The following NRK variants were observed in gnomAD, a reference collection of about 807,000 sequenced individuals.
NRK encodes nik-related protein kinase.
NRK carries 67 observed loss-of-function variants against 125.2 expected under a neutral mutation model. The observed-to-expected ratio is 0.54, with a 90% CI of 0.44 to 0.66. NRK has a LOEUF of 0.66. NRK is among the 30% of genes least tolerant of loss of function. The pLI is 0.00. For synonymous variants in NRK, 458 were observed against 429.0 expected (o/e 1.07, Z -0.84); for missense variants, 1,224 against 1,192.9 (o/e 1.03, Z -0.38).
At chrX:105,865,050 A>G (rs1190723999) in intron 2 of NRK, among the ~76,000 whole-genome samples, 1 of 111,093 alleles carries the variant, frequency 9.0e-6, no homozygotes, top group Non-Finnish European at 1.9e-5. Flanking sequence ...TTTTCCCTTC[A>G]CTATTGCCTT....
chrX:105,949,106 A>G (rs1346275321), intron 26 of NRK, among the ~76,000 whole-genome samples: 3 of 111,826 alleles, frequency 2.7e-5, no homozygotes, highest in Non-Finnish European at 5.6e-5. Flanking sequence ...TAAACATTTT[A>G]AGCTTAAGCT....
chrX:105,932,520 T>C (rs998759492), intron 19 of NRK, among the ~76,000 whole-genome samples: 19 of 112,780 alleles, frequency 1.7e-4, no homozygotes, highest in Non-Finnish European at 7.5e-5. Flanking sequence ...TCACAGATGC[T>C]ACATCAATAG....
At chrX:105,951,303 T>C (rs2040894865) in intron 27 of NRK, among the ~76,000 whole-genome samples, 1 of 111,246 alleles carries the variant, frequency 9.0e-6, no homozygotes, top group African/African-American at 3.3e-5. Flanking sequence ...TAGACAATCA[T>C]AAGGGTCAAA....
At chrX:105,835,608 C>T (rs1434905997) in intron 2 of NRK, among the ~76,000 whole-genome samples, 2 of 107,417 alleles carry the variant, frequency 1.9e-5, no homozygotes, top group African/African-American at 7.1e-5. Flanking sequence ...AATTCTTGCC[C>T]TTCTCCCAAA....
intron 17 of NRK, among the ~76,000 whole-genome samples, 192 bp from the exon 18 acceptor site, chrX:105,922,926 G>T (rs749201137): frequency 9.0e-6 from 1 of 110,947 alleles, no homozygotes; most frequent in South Asian, 3.8e-4. Flanking sequence ...ATCCAGAAAG[G>T]CCACTAATAA....
At chrX:105,912,465 T>G (rs1416619484) in intron 13 of NRK, among the ~76,000 whole-genome samples, 183 bp from the exon 14 acceptor site, 1 of 110,948 alleles carries the variant, frequency 9.0e-6, no homozygotes, top group African/African-American at 3.3e-5. Context: ...AACCAAACAC[T>G]ATTAGAAACT....
chrX:105,873,094 C>T (rs1023584590), intron 2 of NRK, among the ~76,000 whole-genome samples: 3 of 111,544 alleles, frequency 2.7e-5, no homozygotes, highest in African/African-American at 9.8e-5. Context: ...TTGAAAAGAA[C>T]GAAAGAATGC....
chrX:105,916,828 T>C (rs776268780), intron 15 of NRK, among the ~76,000 whole-genome samples: 1 of 111,891 alleles, frequency 8.9e-6, no homozygotes, highest in African/African-American at 3.2e-5. Flanking sequence ...TCAGAGTAAT[T>C]GTTCACTTTA....
chrX:105,878,085 A>G (rs2039837820), intron 2 of NRK, among the ~76,000 whole-genome samples: 2 of 111,350 alleles, frequency 1.8e-5, no homozygotes, highest in South Asian at 7.4e-4. Context: ...GTAACTTTTT[A>G]AAGGGATGCA....
chrX:105,924,733 G>A lies in NRK; in HGVS notation c.3014G>A (p.Gly1005Asp), dbSNP rs775174026. ...YGRDGSCKQD[G>D]YDGSRGKEEA... Reference sequence around the variant, plus strand: ...AGAGATGGAAGCTGCAAGCAAGATGGTTATGATGGAAGTCGTGGAAAAGAG... The same window carrying A: ...AGAGATGGAAGCTGCAAGCAAGATGATTATGATGGAAGTCGTGGAAAAGAG... Residue 1005 changes from glycine (G) to aspartate (D), a missense_variant, in exon 19 of 29, where the codon GGT becomes GAT. Gly to Asp is a moderately conservative substitution (Grantham distance 94). Coordinates refer to ENST00000243300, the MANE Select transcript of NRK (RefSeq NM_198465.4). 1 of 1,202,013 alleles carries A rather than the reference G, an allele frequency of 8.3e-7. No individual in the cohort carries two copies. Among genetic ancestry groups the A allele is most frequent in the South Asian group, 1.8e-5 (1 of 55,424 alleles).
chrX:105,939,355 C>T (rs935752577), intron 22 of NRK, among the ~76,000 whole-genome samples: 1 of 111,373 alleles, frequency 9.0e-6, no homozygotes, highest in African/African-American at 3.3e-5. Context: ...TTAATATTAA[C>T]GATAAATTTA....
At chrX:105,844,394 A>G (rs1271334516) in intron 2 of NRK, among the ~76,000 whole-genome samples, 4 of 111,788 alleles carry the variant, frequency 3.6e-5, no homozygotes, top group Non-Finnish European at 7.5e-5. Context: ...CAAAATATAC[A>G]GACAGAATTA....
intron 2 of NRK, among the ~76,000 whole-genome samples, chrX:105,857,469 C>T (rs1239318456): frequency 2.7e-5 from 3 of 111,836 alleles, no homozygotes; most frequent in East Asian, 2.8e-4. Flanking sequence ...ATCTAAGATG[C>T]GAAACTGAAT....
At chrX:105,921,001 A>C (rs2040435766) in intron 16 of NRK, among the ~76,000 whole-genome samples, 1 of 92,590 alleles carries the variant, frequency 1.1e-5, no homozygotes, top group South Asian at 5.8e-4. Context: ...AAAGGACTAT[A>C]AATCATGCTG....
intron 2 of NRK, among the ~76,000 whole-genome samples, chrX:105,852,008 A>T (rs2039478348): frequency 8.9e-6 from 1 of 112,200 alleles, no homozygotes; most frequent in African/African-American, 3.2e-5. Context: ...CACACACTGT[A>T]TATTCAAAGC....
At chrX:105,932,078 A>G (rs1381173916) in intron 19 of NRK, among the ~76,000 whole-genome samples, 1 of 111,545 alleles carries the variant, frequency 9.0e-6, no homozygotes, top group Non-Finnish European at 1.9e-5. Flanking sequence ...GTGGAATCAT[A>G]CAATATTTGT....
chrX:105,853,758 T>C (rs1329673434), intron 2 of NRK, among the ~76,000 whole-genome samples: 1 of 112,264 alleles, frequency 8.9e-6, no homozygotes, highest in Non-Finnish European at 1.9e-5. Flanking sequence ...GAAAATATAC[T>C]GTAAACTATG....
At chrX:105,916,389 A>G (rs1055867835) in intron 15 of NRK, among the ~76,000 whole-genome samples, 1 of 110,822 alleles carries the variant, frequency 9.0e-6, no homozygotes, top group Non-Finnish European at 1.9e-5. Context: ...ATATTTGAAA[A>G]CTAAATTTTA....
chrX:105,935,111 A>G (rs1352123215), intron 20 of NRK, 59 bp from the exon 21 acceptor site: 4 of 957,971 alleles, frequency 4.2e-6, no homozygotes, highest in Non-Finnish European at 5.8e-6. Context: ...AAATTCTGTA[A>G]CTCCATCATG....
Sources: allele counts gnomAD v4.1 joint callset (sites outside exome capture counted in the v4.1 genomes callset), GRCh38; gene constraint gnomAD v4.1.1; transcripts MANE v1.5; gene names NCBI Gene and HGNC (gene_info 2026-07-23, HGNC 2026-07-21).